Variants in ZNF609 observed in about 807,000 individuals in gnomAD.
The protein encoded by ZNF609 is zinc finger protein 609.
In ZNF609, 11 loss-of-function variants were observed where a neutral mutation model predicts 109.5. The ratio of observed to expected loss-of-function variants is 0.10; its 90% confidence interval spans 0.06 to 0.17. The LOEUF is 0.17. Ranked by LOEUF, ZNF609 falls within the 10% of genes least tolerant of loss-of-function variation. The pLI is 1.00. For synonymous variants in ZNF609, 646 were observed against 662.0 expected, an observed-to-expected ratio of 0.98 and a Z score of 0.37; for missense variants, 1,559 against 1,772.4, an observed-to-expected ratio of 0.88 and a Z score of 2.16.
At chr15:64,468,919 C>T (rs1036201453) in intron 1 of ZNF609, among the ~76,000 whole-genome samples, 4 of 150,994 alleles carry the variant, frequency 2.6e-5, no homozygotes, top group Non-Finnish European at 5.9e-5. Context: ...ATCATGATAC[C>T]AAGATTGAGA....
intron 2 of ZNF609, among the ~76,000 whole-genome samples, chr15:64,508,620 A>G (rs1369066908): frequency 6.6e-6 from 1 of 152,002 alleles, no homozygotes; most frequent in Non-Finnish European, 1.5e-5. Context: ...ATTCGATAAA[A>G]ATTTGGATCT....
chr15:64,545,816 T>A (rs1178496844), intron 2 of ZNF609, among the ~76,000 whole-genome samples: 2 of 152,222 alleles, frequency 1.3e-5, no homozygotes, highest in African/African-American at 4.8e-5. Context: ...CCTTGGAAGT[T>A]GTCTATGTTG....
At chr15:64,608,434 T>C (rs1895648164) in intron 2 of ZNF609, among the ~76,000 whole-genome samples, 1 of 152,170 alleles carries the variant, frequency 6.6e-6, no homozygotes, top group Non-Finnish European at 1.5e-5. Context: ...CATTCACCTA[T>C]TGTGTTCAGA....
intron 3 of ZNF609, among the ~76,000 whole-genome samples, chr15:64,654,681 ATC>A (rs1444530335): frequency 6.6e-6 from 1 of 152,206 alleles, no homozygotes; most frequent in African/African-American, 2.4e-5. Context: ...TATAATATGT[ATC>A]TCCATAGCCC....
At position 64,678,154 on chromosome 15, in the gene ZNF609, C is replaced by T; in HGVS notation, c.3441C>T (p.Ala1147=). ...EPRMWTYVYP[A]KYSDIKSEDE... ...GGATGTGGACATATGTTTATCCTGC[C>T]AAGTACTCAGACATCAAGTCAGAGG... is the stretch of plus-strand genomic sequence containing the variant. Residue 1147 remains alanine (A), a synonymous_variant, in exon 6 of 10, where the codon GCC becomes GCT. Transcript: ENST00000326648. The T allele has an allele frequency of 6.2e-7, 1 of 1,614,080 alleles. No individual in the cohort carries two copies. Among genetic ancestry groups the T allele is most frequent in the Non-Finnish European group, 8.5e-7 (1 of 1,179,990 alleles).
intron 3 of ZNF609, among the ~76,000 whole-genome samples, chr15:64,663,328 C>A (rs1485498214): frequency 6.6e-6 from 1 of 152,096 alleles, no homozygotes; most frequent in Non-Finnish European, 1.5e-5. Context: ...AAGTAAAACT[C>A]TAAGGGTTTT....
chr15:64,644,234 A>C (rs543033586), intron 3 of ZNF609, among the ~76,000 whole-genome samples: 19 of 152,362 alleles, frequency 1.2e-4, no homozygotes, highest in African/African-American at 4.6e-4. Context: ...CCAATGGCTC[A>C]CACCTATAAT....
chr15:64,567,256 C>T (rs1410467218), intron 2 of ZNF609, among the ~76,000 whole-genome samples: 1 of 151,994 alleles, frequency 6.6e-6, no homozygotes, highest in Admixed American at 6.6e-5. Flanking sequence ...GAGGCCGAGG[C>T]GTGTGGATCA....
intron 2 of ZNF609, among the ~76,000 whole-genome samples, chr15:64,613,784 G>A (rs931240464): frequency 2.0e-5 from 3 of 151,922 alleles, no homozygotes; most frequent in African/African-American, 7.3e-5. Flanking sequence ...TCCTGACCTC[G>A]TGATCCTCCC....
intron 3 of ZNF609, among the ~76,000 whole-genome samples, chr15:64,627,773 T>C (rs1460943261): frequency 2.0e-5 from 3 of 147,350 alleles, no homozygotes; most frequent in African/African-American, 5.0e-5. Context: ...GCTAAAGTGA[T>C]CCTCCTGCCT....
At chr15:64,497,210 T>G (rs567017964) in intron 1 of ZNF609, among the ~76,000 whole-genome samples, 35 of 152,364 alleles carry the variant, frequency 2.3e-4, no homozygotes, top group African/African-American at 7.5e-4. Context: ...CACTTTTTGC[T>G]CATCTCTTAT....
intron 2 of ZNF609, among the ~76,000 whole-genome samples, chr15:64,600,865 C>A (rs1895486896): frequency 6.6e-6 from 1 of 152,054 alleles, no homozygotes; most frequent in African/African-American, 2.4e-5. Context: ...AAGAGGTTTG[C>A]TCTAGGGAGT....
rs145025756 is a variant in ZNF609, at chr15:64,583,068, C to G, written c.748-39759C>G. Among the ~76,000 whole-genome samples the G allele has an allele frequency of 1.3e-3, 198 of 148,418 alleles. 1 individual carries two copies. Among genetic ancestry groups the G allele is most frequent in the Non-Finnish European group, 2.4e-3 (161 of 66,758 alleles). On this transcript the variant is annotated intron_variant, in intron 2 of 9. Transcript: ENST00000326648. ...GCCGGGCCAAGACAAGAGTCTTGCT[C>G]TGTTGCCCAGGCTTGAGTGCAGTGG...
At chr15:64,634,408 G>T (rs1305830986) in intron 3 of ZNF609, among the ~76,000 whole-genome samples, 1 of 152,048 alleles carries the variant, frequency 6.6e-6, no homozygotes, top group Non-Finnish European at 1.5e-5. Flanking sequence ...TCCCAGCTGT[G>T]GGCTTTTATC....
chr15:64,469,254 A>C (rs116767869), intron 1 of ZNF609, among the ~76,000 whole-genome samples: 2 of 151,316 alleles, frequency 1.3e-5, no homozygotes, highest in Admixed American at 6.6e-5. Context: ...CAAGAGATAA[A>C]TTCCATTTCA....
chr15:64,510,206 T>C lies in ZNF609; in HGVS notation c.747+10040T>C, dbSNP rs371518221. ...AACACATTGTTATAATTTTTTTTTC[T>C]TTTTTTTTTTTTTTAACAGACAGGG... On this transcript the variant is annotated intron_variant, in intron 2 of 9. Transcript: ENST00000326648. Among the ~76,000 whole-genome samples the C allele has an allele frequency of 3.6e-3, 56 of 15,484 alleles. 1 individual carries two copies. The highest frequency in any genetic ancestry group is 0.014 in the Admixed American group (4 of 278). 10.2% of individuals were successfully genotyped at this position (15,484 alleles called of 152,430 possible).
chr15:64,513,122 T>C (rs1479035040), intron 2 of ZNF609, among the ~76,000 whole-genome samples: 2 of 152,174 alleles, frequency 1.3e-5, no homozygotes, highest in Admixed American at 1.3e-4. Context: ...GTTATATTAA[T>C]CTGTACTTTA....
chr15:64,518,154 C>G (rs1398305283), intron 2 of ZNF609, among the ~76,000 whole-genome samples: 1 of 152,144 alleles, frequency 6.6e-6, no homozygotes, highest in Non-Finnish European at 1.5e-5. Context: ...GTAATGATAA[C>G]ATAGGGTATT....
chr15:64,679,831 A>G lies in ZNF609; in HGVS notation c.3770-354A>G, dbSNP rs556954599. On this transcript the variant is annotated intron_variant, in intron 6 of 9. Coordinates refer to ENST00000326648, the MANE Select transcript of ZNF609 (RefSeq NM_015042.2). ...TTTATTTGCTCAAGGTTACCAAGCTAGTAAGTCTCAGAGTAAGGTTTTGAG... is the reference window on the plus strand; with the variant it reads ...TTTATTTGCTCAAGGTTACCAAGCTGGTAAGTCTCAGAGTAAGGTTTTGAG... Among the ~76,000 whole-genome samples the G allele has an allele frequency of 2.8e-3, 429 of 152,342 alleles. 4 individuals carry two copies. Among genetic ancestry groups the G allele is most frequent in the African/African-American group, 0.01 (416 of 41,580 alleles).
Sources: allele counts gnomAD v4.1 joint callset (sites outside exome capture counted in the v4.1 genomes callset), GRCh38; gene constraint gnomAD v4.1.1; transcripts MANE v1.5; gene names NCBI Gene and HGNC (gene_info 2026-07-23, HGNC 2026-07-21).